The following ASIC2 variants were observed in gnomAD, a reference collection of about 807,000 sequenced individuals.
ASIC2 encodes acid sensing ion channel subunit 2.
ASIC2 carries 25 observed loss-of-function variants against 57.3 expected under a neutral mutation model. The observed-to-expected ratio is 0.44, with a 90% CI of 0.32 to 0.61. The LOEUF (loss-of-function observed/expected upper bound fraction) is 0.61. ASIC2 is among the 20% of genes least tolerant of loss of function. ASIC2 has a pLI of 0.06. For missense variants in ASIC2, 641 were observed against 738.1 expected (o/e 0.87, Z 1.52); for synonymous variants, 319 against 307.5 (o/e 1.04, Z -0.39).
chr17:33,579,616 T>C (rs1165360722), intron 1 of ASIC2, among the ~76,000 whole-genome samples: 1 of 152,158 alleles, frequency 6.6e-6, no homozygotes, highest in African/African-American at 2.4e-5. Flanking sequence ...GTTTGTTCCT[T>C]CAGGTGTTCA....
chr17:33,754,066 A>T (rs922866469), intron 1 of ASIC2, among the ~76,000 whole-genome samples: 1 of 152,140 alleles, frequency 6.6e-6, no homozygotes, highest in African/African-American at 2.4e-5. Context: ...CAAAAAATAA[A>T]AAGATGGGTG....
At chr17:33,141,616 A>G (rs1421951819) in intron 1 of ASIC2, among the ~76,000 whole-genome samples, 1 of 152,252 alleles carries the variant, frequency 6.6e-6, no homozygotes, top group Non-Finnish European at 1.5e-5. Context: ...CAGAAGACAA[A>G]GGACAGAGAG....
At chr17:33,889,979 G>T (rs1409973380) in intron 1 of ASIC2, among the ~76,000 whole-genome samples, 1 of 152,170 alleles carries the variant, frequency 6.6e-6, no homozygotes, top group East Asian at 1.9e-4. Flanking sequence ...ATAGATCTAG[G>T]CTTAGTCCAG....
intron 1 of ASIC2, among the ~76,000 whole-genome samples, chr17:33,360,542 CTCTT>C (rs1908558329): frequency 6.6e-6 from 1 of 152,218 alleles, no homozygotes; most frequent in Non-Finnish European, 1.5e-5. Flanking sequence ...AGATCCTAAG[CTCTT>C]TCTTTGTGTA....
intron 1 of ASIC2, among the ~76,000 whole-genome samples, chr17:33,833,514 G>A (rs1020226531): frequency 4.8e-5 from 7 of 147,200 alleles, no homozygotes; most frequent in Admixed American, 1.3e-4. Flanking sequence ...GTGTATGTGC[G>A]TGTGTGTGTG....
At chr17:33,984,833 G>A (rs920456523) in intron 1 of ASIC2, among the ~76,000 whole-genome samples, 1 of 152,182 alleles carries the variant, frequency 6.6e-6, no homozygotes, top group Admixed American at 6.5e-5. Context: ...GGATGTTTCT[G>A]AGCACAAGAG....
intron 1 of ASIC2, among the ~76,000 whole-genome samples, chr17:33,895,926 A>T (rs1425236374): frequency 6.6e-6 from 1 of 152,144 alleles, no homozygotes; most frequent in Non-Finnish European, 1.5e-5. Context: ...CACTTAACTT[A>T]TTTGAGTCTC....
Position 33,776,344 on chromosome 17 carries a change from C to CA in ASIC2, c.555+379633dup, listed in dbSNP as rs1291904493. On this transcript the variant is annotated intron_variant, in intron 1 of 9. Transcript: ENST00000359872. ...TCCTGTCTGCCATGTAAGGTTACAGCAAAAAAATGGCAGCCTATGAGCCAG... is the reference window on the plus strand; with the variant it reads ...TCCTGTCTGCCATGTAAGGTTACAGCAAAAAAAATGGCAGCCTATGAGCCAG... 5.9e-5 allele frequency among the ~76,000 whole-genome samples: 9 copies of CA among 152,154 alleles called. No individual in the cohort carries two copies. In the South Asian group the frequency reaches 6.2e-4, roughly 11 times the overall value.
intron 1 of ASIC2, among the ~76,000 whole-genome samples, chr17:33,154,818 A>T (rs1202088688): frequency 6.6e-6 from 1 of 152,218 alleles, no homozygotes; most frequent in Non-Finnish European, 1.5e-5. Context: ...AAGCTTCTGA[A>T]CTTTCTGCTA....
intron 1 of ASIC2, among the ~76,000 whole-genome samples, chr17:33,788,306 C>T (rs1238221286): frequency 6.6e-6 from 1 of 152,076 alleles, no homozygotes; most frequent in Non-Finnish European, 1.5e-5. Flanking sequence ...TGAAAAAAAG[C>T]TCAACATCAC....
chr17:33,853,128 A>G (rs1342604286), intron 1 of ASIC2, among the ~76,000 whole-genome samples: 1 of 152,222 alleles, frequency 6.6e-6, no homozygotes, highest in Non-Finnish European at 1.5e-5. Flanking sequence ...CACAAAGTTA[A>G]CACTTCAGTT....
At chr17:33,287,053 T>C (rs997946884) in intron 1 of ASIC2, among the ~76,000 whole-genome samples, 1 of 152,232 alleles carries the variant, frequency 6.6e-6, no homozygotes, top group Non-Finnish European at 1.5e-5. Flanking sequence ...TAAATATGAA[T>C]AGCAACTGCT....
chr17:33,432,344 C>T (rs1228032269), intron 1 of ASIC2, among the ~76,000 whole-genome samples: 1 of 152,068 alleles, frequency 6.6e-6, no homozygotes, highest in East Asian at 1.9e-4. Flanking sequence ...AATGAGACCT[C>T]GTCTCTACAA....
chr17:33,464,814 T>G (rs1912809397), intron 1 of ASIC2, among the ~76,000 whole-genome samples: 1 of 151,578 alleles, frequency 6.6e-6, no homozygotes, highest in Admixed American at 6.6e-5. Context: ...GACAGCCCCA[T>G]AAGCATTTGG....
chr17:33,542,208 G>T (rs891753899), intron 1 of ASIC2, among the ~76,000 whole-genome samples: 6 of 151,932 alleles, frequency 3.9e-5, no homozygotes, highest in Admixed American at 6.6e-5. Context: ...ATAAACATAC[G>T]TGTGCACGTG....
Position 33,877,512 on chromosome 17 carries a change from C to T in ASIC2, c.555+278466G>A, listed in dbSNP as rs552265634. Among the ~76,000 whole-genome samples the T allele has an allele frequency of 9.2e-5, 14 of 152,330 alleles. No individual in the cohort carries two copies. The East Asian group carries it at 9.6e-4, about 10-fold the overall frequency. On this transcript the variant is annotated intron_variant, in intron 1 of 9. Coordinates refer to the ASIC2 transcript ENST00000359872. ...GGAGGGTCCTACGCCCATGCAGCCTCGCTCATTGCTAGCACAGCAGTCTGA... is the reference window on the plus strand; with the variant it reads ...GGAGGGTCCTACGCCCATGCAGCCTTGCTCATTGCTAGCACAGCAGTCTGA...
chr17:33,472,384 A>G (rs537437640), intron 1 of ASIC2, among the ~76,000 whole-genome samples: 12 of 152,312 alleles, frequency 7.9e-5, no homozygotes, highest in Admixed American at 5.9e-4. Flanking sequence ...CACATTGTGT[A>G]AGTTACCATT....
chr17:33,148,670 G>A (rs948434534), intron 1 of ASIC2, among the ~76,000 whole-genome samples: 1 of 152,190 alleles, frequency 6.6e-6, no homozygotes, highest in Admixed American at 6.5e-5. Context: ...AAAAGATGAT[G>A]TGAGAAAGCA....
intron 1 of ASIC2, among the ~76,000 whole-genome samples, chr17:33,696,943 G>A (rs979488664): frequency 6.6e-6 from 1 of 152,146 alleles, no homozygotes; most frequent in Non-Finnish European, 1.5e-5. Context: ...TGGACGTGGG[G>A]CCTGGCAGGA....
Sources: allele counts gnomAD v4.1 joint callset (sites outside exome capture counted in the v4.1 genomes callset), GRCh38; gene constraint gnomAD v4.1.1; transcripts MANE v1.5; gene names NCBI Gene and HGNC (gene_info 2026-07-23, HGNC 2026-07-21).